RNF145: variants seen among roughly 807,000 people sequenced by gnomAD.
RNF145 encodes ring finger protein 145.
A neutral mutation model predicts 57.3 loss-of-function variants in RNF145; 12 were observed. The observed-to-expected ratio is 0.21, with a 90% CI of 0.13 to 0.34. The LOEUF (loss-of-function observed/expected upper bound fraction) is 0.34, where lower values mean the gene tolerates loss of function less well. Among genes scored for constraint, RNF145 ranks in the 10% least tolerant of loss-of-function variants. RNF145 has a pLI of 1.00. For missense variants in RNF145, 429 were observed against 799.0 expected, an observed-to-expected ratio of 0.54 and a Z score of 5.58; for synonymous variants, 262 against 288.3, an observed-to-expected ratio of 0.91 and a Z score of 0.92.
intron 3 of RNF145, among the ~76,000 whole-genome samples, chr5:159,185,381 G>A (rs1216530975): frequency 2.0e-5 from 3 of 152,126 alleles, no homozygotes; most frequent in African/African-American, 7.2e-5. Context: ...ATCCCAAACT[G>A]TAGAGAATAA....
upstream of RNF145, chr5:159,209,689 C>A (rs1414132678): frequency 1.0e-6 from 1 of 957,948 alleles, no homozygotes; most frequent in East Asian, 3.1e-5. Flanking sequence ...GGTGCGTGGG[C>A]GGGAGACATA....
Position 159,165,929 on chromosome 5 carries a change from T to C in RNF145, c.1122-2850A>G, listed in dbSNP as rs1784380646. 2.0e-5 allele frequency among the ~76,000 whole-genome samples: 3 copies of C among 152,182 alleles called. No individual in the cohort carries two copies. The South Asian group carries it at 6.2e-4, about 32-fold the overall frequency. On this transcript the variant is annotated intron_variant, in intron 8 of 10. Transcript: ENST00000424310. ...GGTGAGGTGAACTGTTCTACGAACA[T>C]TCTTCTACATGTCTCCTACTGTACA... is the stretch of plus-strand genomic sequence containing the variant.
intron 8 of RNF145, among the ~76,000 whole-genome samples, chr5:159,165,805 A>C (rs1038500477): frequency 2.0e-5 from 3 of 150,276 alleles, no homozygotes; most frequent in Non-Finnish European, 3.0e-5. Flanking sequence ...ATTCATACTG[A>C]TTTGTGGGTC....
intron 9 of RNF145, 29 bp downstream of exon 9, chr5:159,162,903 T>A (rs372288185): frequency 1.3e-6 from 2 of 1,553,560 alleles, no homozygotes; most frequent in South Asian, 1.2e-5. Flanking sequence ...AATTGGTTAT[T>A]ATATAGAGTT....
chr5:159,194,659 G>A, intron 3 of RNF145, 57 bp downstream of exon 3: 2 of 1,116,618 alleles, frequency 1.8e-6, no homozygotes, highest in Non-Finnish European at 2.7e-6. Flanking sequence ...GTATTTTATT[G>A]GCAAAAGAAA....
rs561225316 is a variant in RNF145, at chr5:159,204,389, G to C, written c.-39-733C>G. ...CTGCACAGACCATGATAAGTAGTGG[G>C]GGGGGGCAGGGGGAGGAGGAAATGA... is the stretch of plus-strand genomic sequence containing the variant. On this transcript the variant is annotated intron_variant, in intron 1 of 10. Transcript: ENST00000424310. 5.7e-4 allele frequency among the ~76,000 whole-genome samples: 87 copies of C among 152,078 alleles called. 1 individual carries two copies. Among genetic ancestry groups the C allele is most frequent in the Middle Eastern group, 3.4e-3 (1 of 294 alleles).
chr5:159,186,144 G>A (rs965484469), intron 3 of RNF145, among the ~76,000 whole-genome samples: 2 of 150,714 alleles, frequency 1.3e-5, no homozygotes, highest in Non-Finnish European at 2.9e-5. Flanking sequence ...AGAATTGTGT[G>A]GACCTGGTAG....
rs564852118 is a variant in RNF145 at position 159,203,523 on chromosome 5, C to T, written c.95G>A (p.Ser32Asn). The change falls in exon 2 of 11, where the codon AGC (serine) becomes AAC (asparagine). Residue 32 changes from serine (S) to asparagine (N), a missense_variant. By Grantham distance (46) the Ser-to-Asn change is conservative. Around this residue, in one of 4 missense-constraint regions of RNF145, gnomAD observed 109 missense variants for 207.2 expected, o/e 0.53. Transcript: ENST00000424310. ...LLDVLYRWDVSSFFQQIQRSS... is the reference protein window; with the variant it reads ...LLDVLYRWDVNSFFQQIQRSS... ...TCTTTGGATCTGCTGGAAAAAGGAG[C>T]TGACATCCCATCTGTACAGGACATC... is the stretch of plus-strand genomic sequence containing the variant. 6.2e-7 allele frequency: 1 copy of T among 1,614,014 alleles called. No individual in the cohort carries two copies. Among genetic ancestry groups the T allele is most frequent in the East Asian group, 2.2e-5 (1 of 44,868 alleles).
chr5:159,184,332 A>G (rs1289787815), intron 3 of RNF145, among the ~76,000 whole-genome samples: 2 of 152,214 alleles, frequency 1.3e-5, no homozygotes, highest in Non-Finnish European at 2.9e-5. Flanking sequence ...AATTTCACAC[A>G]ACAAAATTTC....
chr5:159,208,227 G>A, intron 1 of RNF145: 1 of 1,103,448 alleles, frequency 9.1e-7, no homozygotes, highest in Non-Finnish European at 1.2e-6. Flanking sequence ...CAGCAACCGG[G>A]CCGCCGCCGC....
intron 3 of RNF145, among the ~76,000 whole-genome samples, chr5:159,183,846 ACGGCTTAATGAGTAC>A (rs1784974681): frequency 6.6e-6 from 1 of 152,198 alleles, no homozygotes; most frequent in African/African-American, 2.4e-5. Flanking sequence ...GATGAGAGTA[ACGGCTTAATGAGTAC>A]TGAGTTTTGT....
upstream of RNF145, chr5:159,209,601 C>G (rs1209468110): frequency 1.9e-6 from 2 of 1,055,118 alleles, no homozygotes; most frequent in Non-Finnish European, 2.3e-6. Flanking sequence ...CGCGGCCCAG[C>G]CAGCGCGGCG....
chr5:159,202,814 G>A (rs1423970514), intron 2 of RNF145, among the ~76,000 whole-genome samples: 1 of 151,626 alleles, frequency 6.6e-6, no homozygotes, highest in South Asian at 2.1e-4. Context: ...TCTGTTTCAT[G>A]CTTGTATTTC....
intron 3 of RNF145, among the ~76,000 whole-genome samples, chr5:159,183,912 A>G (rs1736412686): frequency 6.6e-6 from 1 of 152,232 alleles, no homozygotes; most frequent in South Asian, 2.1e-4. Context: ...TAAAGGTGAC[A>G]GCTGCACAAC....
chr5:159,194,872 T>C, intron 2 of RNF145, 48 bp from the exon 3 acceptor site: 2 of 1,291,044 alleles, frequency 1.5e-6, no homozygotes, highest in East Asian at 2.4e-5. Flanking sequence ...AGTTTCCCAA[T>C]TAATTACAAT....
chr5:159,187,150 T>C (rs1187601339), intron 3 of RNF145, among the ~76,000 whole-genome samples: 3 of 142,672 alleles, frequency 2.1e-5, no homozygotes, highest in African/African-American at 7.9e-5. Flanking sequence ...GGCGTGGTGG[T>C]GGGCACCTGT....
intron 4 of RNF145, among the ~76,000 whole-genome samples, chr5:159,180,760 T>A (rs542929690): frequency 6.6e-6 from 1 of 152,246 alleles, no homozygotes; most frequent in South Asian, 2.1e-4. Context: ...GTTAACCTGG[T>A]TTGTACCAAG....
chr5:159,176,616 T>C lies in RNF145; in HGVS notation c.621+16A>G, dbSNP rs543830400. The C allele has an allele frequency of 7.3e-7, 1 of 1,377,746 alleles. No individual in the cohort carries two copies. The highest frequency in any genetic ancestry group is 1.0e-6 in the Non-Finnish European group (1 of 971,128). 85.3% of individuals were successfully genotyped at this position (1,377,746 alleles called of 1,614,324 possible). On this transcript the variant is annotated intron_variant, in intron 5 of 10. Transcript: ENST00000424310. Reference sequence around the variant, plus strand: ...TAGAATTTTATCTACCTGTTTGTGGTTGTCAGCAGTCTTACCTGAACCAAT... The same window carrying C: ...TAGAATTTTATCTACCTGTTTGTGGCTGTCAGCAGTCTTACCTGAACCAAT...
intron 5 of RNF145, among the ~76,000 whole-genome samples, chr5:159,176,062 A>G (rs1784710934): frequency 1.3e-5 from 2 of 152,186 alleles, no homozygotes; most frequent in South Asian, 4.1e-4. Context: ...GGCAAAGTCA[A>G]TTCAAGTACT....
Sources: gnomAD v4.1 joint callset for allele counts (sites outside exome capture counted in the v4.1 genomes callset) on GRCh38, gnomAD v4.1.1 for gene constraint, gnomAD v4.1.1 regional missense constraint, MANE v1.5 for transcripts, NCBI Gene and HGNC (gene_info 2026-07-23, HGNC 2026-07-21) for gene names.